SCMH1: variants seen among roughly 807,000 people sequenced by gnomAD.
SCMH1 encodes Scm polycomb group protein homolog 1.
SCMH1 carries 37 observed loss-of-function variants against 70.8 expected under a neutral mutation model. The observed-to-expected ratio is 0.52, with a 90% CI of 0.40 to 0.69. The LOEUF (loss-of-function observed/expected upper bound fraction) is 0.69, where lower values mean the gene tolerates loss of function less well. Among genes scored for constraint, SCMH1 ranks in the 30% least tolerant of loss-of-function variants. The pLI is 0.00. For synonymous variants in SCMH1, 292 were observed against 307.4 expected (o/e 0.95, Z 0.52); for missense variants, 607 against 827.3 (o/e 0.73, Z 3.27).
intron 10 of SCMH1, among the ~76,000 whole-genome samples, chr1:41,056,060 C>G (rs942116890): frequency 6.6e-6 from 1 of 152,214 alleles, no homozygotes; most frequent in African/African-American, 2.4e-5. Flanking sequence ...GTCTACTCCT[C>G]TCCTCTTGAA....
intron 6 of SCMH1, among the ~76,000 whole-genome samples, chr1:41,132,747 G>C (rs1642574806): frequency 6.6e-6 from 1 of 152,066 alleles, no homozygotes. Context: ...TCCAGTTTCA[G>C]GTTTCTACAT....
chr1:41,075,208 A>T lies in SCMH1; in HGVS notation c.978+11T>A. ...CCTTATTCCTTTCTGGGAAACCCACATTTTACCTACCTTGCTGCCAGGTTT... is the reference window on the plus strand; with the variant it reads ...CCTTATTCCTTTCTGGGAAACCCACTTTTTACCTACCTTGCTGCCAGGTTT... On this transcript the variant is annotated intron_variant, in intron 9 of 14. Transcript: ENST00000337495. 1 of 1,613,582 alleles carries T rather than the reference A, an allele frequency of 6.2e-7. No individual in the cohort carries two copies. The highest frequency in any genetic ancestry group is 8.5e-7 in the Non-Finnish European group (1 of 1,179,660).
chr1:41,035,494 T>C (rs1469845288), intron 13 of SCMH1, among the ~76,000 whole-genome samples: 1 of 152,164 alleles, frequency 6.6e-6, no homozygotes, highest in Admixed American at 6.5e-5. Context: ...CCCATCTTCT[T>C]TAAGACTAGT....
chr1:41,199,735 TG>T (rs1050906161), intron 1 of SCMH1, among the ~76,000 whole-genome samples: 2 of 98,412 alleles, frequency 2.0e-5, no homozygotes, highest in African/African-American at 3.9e-5. Context: ...CAATAGGGGG[TG>T]GGGGTGGGAG....
exon 15 of SCMH1, chr1:41,028,302 G>T (rs779998553): frequency 1.2e-6 from 2 of 1,614,060 alleles, no homozygotes; most frequent in Non-Finnish European, 1.7e-6. Flanking sequence ...GCAGCAGCAG[G>T]GCCTTGCCAT....
intron 8 of SCMH1, among the ~76,000 whole-genome samples, chr1:41,112,861 T>C (rs1669571595): frequency 6.6e-6 from 1 of 152,202 alleles, no homozygotes; most frequent in African/African-American, 2.4e-5. Context: ...CTTGTTCTTT[T>C]TCCATCCTGC....
intron 10 of SCMH1, among the ~76,000 whole-genome samples, chr1:41,061,612 T>A (rs191647241): frequency 2.0e-5 from 3 of 152,040 alleles, no homozygotes; most frequent in African/African-American, 4.8e-5. Context: ...GAGAAACAGA[T>A]AAATCCACTA....
intron 10 of SCMH1, among the ~76,000 whole-genome samples, chr1:41,062,286 G>A (rs538859923): frequency 6.6e-6 from 1 of 152,102 alleles, no homozygotes; most frequent in South Asian, 2.1e-4. Context: ...GGTCAAAGAA[G>A]AAATAACAAG....
At chr1:41,148,852 A>G (rs555270848) in intron 5 of SCMH1, among the ~76,000 whole-genome samples, 1 of 152,074 alleles carries the variant, frequency 6.6e-6, no homozygotes, top group Non-Finnish European at 1.5e-5. Context: ...GTGCAGTGGC[A>G]TGATCTCAGC....
At chr1:41,156,093 A>C (rs1645515540) in intron 4 of SCMH1, among the ~76,000 whole-genome samples, 2 of 151,932 alleles carry the variant, frequency 1.3e-5, no homozygotes, top group African/African-American at 4.8e-5. Flanking sequence ...GCTATTACTC[A>C]ACAGTACAAA....
chr1:41,073,618 TCATCCATCCATCCATCCATC>T (rs3831833), intron 9 of SCMH1, among the ~76,000 whole-genome samples: 3 of 148,640 alleles, frequency 2.0e-5, no homozygotes, highest in Non-Finnish European at 4.5e-5. Flanking sequence ...ATCACTAAAA[TCATCCATCCATCCATCCATC>T]CATCCATCCA....
intron 7 of SCMH1, among the ~76,000 whole-genome samples, chr1:41,116,143 C>T (rs1335852152): frequency 2.0e-5 from 3 of 152,222 alleles, no homozygotes; most frequent in Admixed American, 6.5e-5. Flanking sequence ...CTTTACTGCA[C>T]AGCTGGCATA....
chr1:41,058,570 C>T (rs1371234049), intron 10 of SCMH1, among the ~76,000 whole-genome samples: 3 of 151,612 alleles, frequency 2.0e-5, no homozygotes, highest in Non-Finnish European at 4.4e-5. Context: ...TTAGTAGAGA[C>T]GGGGTTTCAC....
intron 6 of SCMH1, among the ~76,000 whole-genome samples, chr1:41,139,840 C>T (rs185020214): frequency 1.8e-4 from 28 of 152,132 alleles, no homozygotes; most frequent in African/African-American, 6.5e-4. Context: ...GTTTTATAGA[C>T]TTGACTTTTC....
At chr1:41,032,041 C>T (rs1644597864) in intron 13 of SCMH1, among the ~76,000 whole-genome samples, 1 of 152,178 alleles carries the variant, frequency 6.6e-6, no homozygotes, top group Admixed American at 6.5e-5. Context: ...TTTGGCTGTG[C>T]GAGGTTACAG....
At chr1:41,092,891 G>A (rs1439898107) in intron 8 of SCMH1, among the ~76,000 whole-genome samples, 1 of 152,174 alleles carries the variant, frequency 6.6e-6, no homozygotes, top group African/African-American at 2.4e-5. Context: ...TGGAGAGGAT[G>A]TGGAGAAATA....
chr1:41,081,774 G>A (rs910393898), intron 8 of SCMH1, among the ~76,000 whole-genome samples: 2 of 151,840 alleles, frequency 1.3e-5, no homozygotes, highest in African/African-American at 4.8e-5. Context: ...GAACCATGAT[G>A]GTGTCACTGC....
chr1:41,200,084 G>A (rs868723891), intron 1 of SCMH1, among the ~76,000 whole-genome samples: 10 of 152,258 alleles, frequency 6.6e-5, no homozygotes, highest in South Asian at 4.1e-4. Flanking sequence ...GGAACTAATT[G>A]GCACTGGCTT....
chr1:41,123,372 A>G (rs1369762472), intron 6 of SCMH1, among the ~76,000 whole-genome samples: 1 of 152,194 alleles, frequency 6.6e-6, no homozygotes, highest in Non-Finnish European at 1.5e-5. Context: ...TGTATATACT[A>G]AAGCATGTGA....
Sources: allele counts gnomAD v4.1 joint callset (sites outside exome capture counted in the v4.1 genomes callset), GRCh38; gene constraint gnomAD v4.1.1; transcripts MANE v1.5; gene names NCBI Gene and HGNC (gene_info 2026-07-23, HGNC 2026-07-21).